Variants in FAM227A observed in about 807,000 individuals in gnomAD.
FAM227A encodes family with sequence similarity 227 member A, also known as protein FAM227A.
Under a neutral mutation model 74.7 loss-of-function variants are expected in FAM227A, and 80 were observed. The ratio of observed to expected loss-of-function variants is 1.07; its 90% CI spans 0.89 to 1.29. The LOEUF (loss-of-function observed/expected upper bound fraction) is 1.29. FAM227A is among the 50% of genes most tolerant of loss of function. The pLI, the probability that FAM227A is intolerant of heterozygous loss-of-function variation, is 0.00. For missense variants in FAM227A, 654 were observed against 683.4 expected (o/e 0.96, Z 0.48); for synonymous variants, 237 against 241.8 (o/e 0.98, Z 0.19).
At position 38,582,256 on chromosome 22, in the gene FAM227A, A is replaced by G. The variant is rs1276496390; in HGVS notation, c.*3869T>C. ...TCTCCAGCTATCCCTCCTGTTCTTC[A>G]GGAAACTGTATGTTCTAAAACATAC... On this transcript the variant is annotated 3_prime_UTR_variant, in exon 17 of 17. Transcript: ENST00000535113. 2 of 1,342,198 alleles carry G rather than the reference A, an allele frequency of 1.5e-6. No homozygotes were observed. The highest frequency in any genetic ancestry group is 5.0e-5 in the East Asian group (2 of 39,864). The allele number at this position is 1,342,198 out of a possible 1,614,324, so 83.1% of individuals were successfully genotyped here.
intron 5 of FAM227A, among the ~76,000 whole-genome samples, chr22:38,637,964 C>T (rs999696518): frequency 3.9e-5 from 6 of 152,062 alleles, no homozygotes; most frequent in East Asian, 1.9e-4. Flanking sequence ...GTCAAGAGTT[C>T]GAGACCAGCC....
chr22:38,643,534 AC>A (rs1430135569), intron 3 of FAM227A, among the ~76,000 whole-genome samples: 1 of 152,122 alleles, frequency 6.6e-6, no homozygotes. Context: ...AGCCGCAAGA[AC>A]CCTCATCCAC....
At chr22:38,607,850 T>C (rs982855857) in intron 11 of FAM227A, among the ~76,000 whole-genome samples, 4 of 152,204 alleles carry the variant, frequency 2.6e-5, no homozygotes, top group Non-Finnish European at 4.4e-5. Context: ...TTCAAAAACA[T>C]TGCTGTCACC....
At chr22:38,631,846 G>A (rs980531398) in intron 6 of FAM227A, among the ~76,000 whole-genome samples, 7 of 152,288 alleles carry the variant, frequency 4.6e-5, no homozygotes, top group Non-Finnish European at 5.9e-5. Context: ...CCTGGTGGCA[G>A]TGTACAAGAC....
rs540510304 is a variant in FAM227A, at chr22:38,652,624, C to T, written c.-94-2362G>A. Among the ~76,000 whole-genome samples the T allele has an allele frequency of 4.7e-3, 698 of 147,860 alleles. 8 individuals carry two copies. The highest frequency in any genetic ancestry group is 0.017 in the African/African-American group (679 of 40,070). Reference sequence around the variant, plus strand: ...AAAAAAGGTCGGGCGTGGTGGCTTACGCCTATAATCCCAGCACTTTGGGAA... The same window carrying T: ...AAAAAAGGTCGGGCGTGGTGGCTTATGCCTATAATCCCAGCACTTTGGGAA... On this transcript the variant is annotated intron_variant, in intron 1 of 16. Coordinates refer to ENST00000535113, the MANE Select transcript of FAM227A (RefSeq NM_001013647.2).
chr22:38,630,123 C>A (rs1334630460), intron 6 of FAM227A, among the ~76,000 whole-genome samples: 1 of 151,738 alleles, frequency 6.6e-6, no homozygotes, highest in African/African-American at 2.4e-5. Flanking sequence ...CACACAGGTG[C>A]CTCTCCTTTA....
intron 15 of FAM227A, among the ~76,000 whole-genome samples, chr22:38,594,601 T>G (rs1377508345): frequency 3.3e-5 from 5 of 152,126 alleles, no homozygotes; most frequent in East Asian, 1.9e-4. Flanking sequence ...TCCTGTGGTG[T>G]TGGTGGTGGT....
chr22:38,626,362 T>A, intron 8 of FAM227A, 59 bp from the exon 9 acceptor site: 1 of 1,510,476 alleles, frequency 6.6e-7, no homozygotes, highest in Non-Finnish European at 8.9e-7. Flanking sequence ...CTTACATGAT[T>A]TGGGGATGAG....
In FAM227A at chr22:38,582,730, C is replaced by G; in HGVS notation, c.*3395G>C. The G allele has an allele frequency of 8.1e-7, 1 of 1,234,878 alleles. No homozygotes were observed. Among genetic ancestry groups the G allele is most frequent in the Non-Finnish European group, 1.1e-6 (1 of 884,694 alleles). The allele number at this position is 1,234,878 out of a possible 1,614,324, so 76.5% of individuals were successfully genotyped here. A position where few individuals can be genotyped will look rare whatever the true frequency, so the allele number is the denominator to read the frequency against. ...TGGGCTTAGAAAATAAGGAGACCTTCTTGCTGTATGGGGGCTAATAGTAGC... is the reference window on the plus strand; with the variant it reads ...TGGGCTTAGAAAATAAGGAGACCTTGTTGCTGTATGGGGGCTAATAGTAGC... On this transcript the variant is annotated 3_prime_UTR_variant, in exon 17 of 17. Coordinates refer to ENST00000535113, the MANE Select transcript of FAM227A (RefSeq NM_001013647.2).
intron 3 of FAM227A, among the ~76,000 whole-genome samples, chr22:38,643,573 C>T (rs1421230843): frequency 6.6e-6 from 1 of 152,120 alleles, no homozygotes; most frequent in Admixed American, 6.6e-5. Flanking sequence ...AATGTTAACA[C>T]CACTTTGGAA....
chr22:38,652,043 G>A (rs1414765432), intron 1 of FAM227A, among the ~76,000 whole-genome samples: 3 of 151,800 alleles, frequency 2.0e-5, no homozygotes, highest in Non-Finnish European at 1.5e-5. Context: ...AAAATTAGCT[G>A]GGCATGGTGG....
chr22:38,582,219 C>T lies in FAM227A; in HGVS notation c.*3906G>A. Reference sequence around the variant, plus strand: ...CCTCTTTGTAACCCCTTCCAGCTTCCCTCCTATCCCCTCTCCAGCTATCCC... The same window carrying T: ...CCTCTTTGTAACCCCTTCCAGCTTCTCTCCTATCCCCTCTCCAGCTATCCC... On this transcript the variant is annotated 3_prime_UTR_variant, in exon 17 of 17. Transcript: ENST00000535113. 1.1e-6 allele frequency: 1 copy of T among 935,142 alleles called. No individual in the cohort carries two copies. Among genetic ancestry groups the T allele is most frequent in the South Asian group, 1.7e-5 (1 of 58,502 alleles). 57.9% of individuals were successfully genotyped at this position (935,142 alleles called of 1,614,324 possible). A position where few individuals can be genotyped will look rare whatever the true frequency, so the allele number is the denominator to read the frequency against.
Position 38,645,656 on chromosome 22 carries a change from A to C in FAM227A, c.143-11T>G. The C allele has an allele frequency of 6.5e-7, 1 of 1,541,130 alleles. No individual in the cohort carries two copies. The highest frequency in any genetic ancestry group is 8.8e-7 in the Non-Finnish European group (1 of 1,138,320). On this transcript the variant is annotated splice_polypyrimidine_tract_variant and intron_variant, in intron 2 of 16. Coordinates refer to ENST00000535113, the MANE Select transcript of FAM227A (RefSeq NM_001013647.2). ...AGCCAATAAGGCATGCTGGGAGGTT[A>C]GTCTGCTAAGGAAACTCAGGGTGAT... is the stretch of plus-strand genomic sequence containing the variant.
chr22:38,626,349 C>T lies in FAM227A; in HGVS notation c.727-46G>A, dbSNP rs190178438. 784 of 1,525,372 alleles carry T rather than the reference C, an allele frequency of 5.1e-4. 1 individual carries two copies. The highest frequency in any genetic ancestry group is 6.4e-4 in the Non-Finnish European group (727 of 1,134,954). 94.5% of individuals were successfully genotyped at this position (1,525,372 alleles called of 1,614,324 possible). Reference sequence around the variant, plus strand: ...AGGCAACGTTCTCAACATTTCCACCCGGCTTACATGATTTGGGGATGAGGA... The same window carrying T: ...AGGCAACGTTCTCAACATTTCCACCTGGCTTACATGATTTGGGGATGAGGA... On this transcript the variant is annotated intron_variant, in intron 8 of 16. Coordinates refer to ENST00000535113, the MANE Select transcript of FAM227A (RefSeq NM_001013647.2).
chr22:38,595,971 G>A (rs1347437025), intron 15 of FAM227A, among the ~76,000 whole-genome samples: 2 of 1,018 alleles, frequency 2.0e-3, no homozygotes, highest in Non-Finnish European at 1.9e-3. Flanking sequence ...CAACTAATAA[G>A]GGGGGGGGGG....
At chr22:38,600,288 TTA>T (rs1362636160) in intron 13 of FAM227A, among the ~76,000 whole-genome samples, 4 of 150,750 alleles carry the variant, frequency 2.7e-5, no homozygotes, top group Non-Finnish European at 1.5e-5. Flanking sequence ...ATAGTGTTTT[TTA>T]TATGTGTGTG....
intron 3 of FAM227A, among the ~76,000 whole-genome samples, chr22:38,642,937 AAAAAAC>A (rs1303859225): frequency 1.3e-5 from 2 of 152,068 alleles, no homozygotes; most frequent in Non-Finnish European, 2.9e-5. Flanking sequence ...CTCCGTCTCA[AAAAAAC>A]AAAAACAAAA....
rs1012387540 is a variant in FAM227A, at chr22:38,619,948, C to A, written c.1038+264G>T. 1.4e-4 allele frequency among the ~76,000 whole-genome samples: 22 copies of A among 152,294 alleles called. 1 individual carries two copies. In the Middle Eastern group the frequency reaches 0.01, roughly 71 times the overall value. On this transcript the variant is annotated intron_variant, in intron 11 of 16. Coordinates refer to ENST00000535113, the MANE Select transcript of FAM227A (RefSeq NM_001013647.2). ...AAATAAGTAAAAGCATCTTGCACTG[C>A]AGCCTACACTGAAAACCTGGTTCCT...
intron 15 of FAM227A, among the ~76,000 whole-genome samples, chr22:38,594,901 A>G (rs1246000732): frequency 5.9e-5 from 9 of 152,174 alleles, no homozygotes; most frequent in African/African-American, 2.2e-4. Flanking sequence ...GATCGAGACC[A>G]TCCTGGCTAA....
Sources: gnomAD v4.1 joint callset for allele counts (sites outside exome capture counted in the v4.1 genomes callset) on GRCh38, gnomAD v4.1.1 for gene constraint, MANE v1.5 for transcripts, NCBI Gene and HGNC (gene_info 2026-07-23, HGNC 2026-07-21) for gene names.